The following SLC19A1 variants were observed in gnomAD, a reference collection of about 807,000 sequenced individuals.
SLC19A1 encodes solute carrier family 19 member 1.
Under a neutral mutation model 35.3 loss-of-function variants are expected in SLC19A1, and 37 were observed. The ratio of observed to expected loss-of-function variants is 1.05; its 90% CI spans 0.81 to 1.38. The LOEUF (loss-of-function observed/expected upper bound fraction) is 1.38. SLC19A1 is among the 40% of genes most tolerant of loss of function. The pLI is 0.00. For missense variants in SLC19A1, 831 were observed against 826.9 expected, an observed-to-expected ratio of 1.00 and a Z score of -0.06; for synonymous variants, 460 against 398.5, an observed-to-expected ratio of 1.15 and a Z score of -1.84.
At chr21:45,556,119 G>A (rs2146509365) in intron 1 of SLC19A1, among the ~76,000 whole-genome samples, 1 of 152,352 alleles carries the variant, frequency 6.6e-6, no homozygotes, top group East Asian at 1.9e-4. Context: ...GCGGCCACCA[G>A]CAGGGTCCCC....
rs1412292916 is a variant in SLC19A1 at position 45,514,528 on chromosome 21, G to A, written c.*1130C>T. 1 of 154,896 alleles carries A rather than the reference G, an allele frequency of 6.5e-6. No individual in the cohort carries two copies. Among genetic ancestry groups the A allele is most frequent in the African/African-American group, 2.4e-5 (1 of 41,566 alleles). 9.6% of individuals were successfully genotyped at this position (154,896 alleles called of 1,614,324 possible). ...CCAGCCATTCACCTGGGGCCGCTGA[G>A]ATGTGGCAGAGGCCCCACAGGATAG... is the stretch of plus-strand genomic sequence containing the variant. On this transcript the variant is annotated 3_prime_UTR_variant, in exon 6 of 6. Transcript: ENST00000311124.
Position 45,512,669 on chromosome 21 carries a change from A to G in SLC19A1, c.*2989T>C. The G allele has an allele frequency of 3.7e-6, 2 of 535,472 alleles. No homozygotes were observed. The highest frequency in any genetic ancestry group is 3.1e-5 in the Admixed American group (1 of 31,768). The allele number at this position is 535,472 out of a possible 1,614,324, so 33.2% of individuals were successfully genotyped here. A position where few individuals can be genotyped will look rare whatever the true frequency, so the allele number is the denominator to read the frequency against. The stretch of plus-strand genomic sequence containing the variant: ...GCTGGGTCAGGCAGGGTGCAGTATC[A>G]TGCCCTGTGCAACCTCTTGGCCTGA... On this transcript the variant is annotated 3_prime_UTR_variant, in exon 6 of 6. Coordinates refer to ENST00000311124, the MANE Select transcript of SLC19A1 (RefSeq NM_194255.4).
upstream of SLC19A1, among the ~76,000 whole-genome samples, chr21:45,546,678 C>G (rs77632903): frequency 1.3e-5 from 2 of 152,104 alleles, no homozygotes; most frequent in South Asian, 2.1e-4. Context: ...AAAGAGTGTT[C>G]GAAAAACATT....
chr21:45,560,253 C>T (rs1345237153), intron 1 of SLC19A1, among the ~76,000 whole-genome samples: 2 of 152,262 alleles, frequency 1.3e-5, no homozygotes, highest in Non-Finnish European at 2.9e-5. Flanking sequence ...ACAGGGCCCA[C>T]ACAGGGACGT....
rs748442048 is a variant in SLC19A1, at chr21:45,504,440, G to T, written c.498-5828C>A. ...GGGGGAGAAGGGAGACCGAGGTGATGCAGGACAGAAAGGCGAAAGGGGGGA... is the reference window on the plus strand; with the variant it reads ...GGGGGAGAAGGGAGACCGAGGTGATTCAGGACAGAAAGGCGAAAGGGGGGA... On this transcript the variant is annotated intron_variant, in intron 3 of 4. Coordinates refer to the SLC19A1 transcript ENST00000417954. 12 of 1,611,880 alleles carry T rather than the reference G, an allele frequency of 7.4e-6. No homozygotes were observed. In the South Asian group the frequency reaches 1.3e-4, roughly 18 times the overall value.
Position 45,515,479 on chromosome 21 carries a change from G to C in SLC19A1, c.*179C>G. 1 of 1,498,216 alleles carries C rather than the reference G, an allele frequency of 6.7e-7. No homozygotes were observed. Among genetic ancestry groups the C allele is most frequent in the Non-Finnish European group, 8.8e-7 (1 of 1,136,302 alleles). The allele number at this position is 1,498,216 out of a possible 1,614,324, so 92.8% of individuals were successfully genotyped here. On this transcript the variant is annotated 3_prime_UTR_variant, in exon 6 of 6. Coordinates refer to ENST00000311124, the MANE Select transcript of SLC19A1 (RefSeq NM_194255.4). ...GACAGCATGGCCAGGCAGCTGCCCT[G>C]AGTGTCGCCAGCACGCTGTGGCCAC...
chr21:45,506,326 G>A (rs765470630), intron 3 of SLC19A1: 128 of 364,332 alleles, frequency 3.5e-4, no homozygotes, highest in Admixed American at 1.1e-3. Context: ...CCAGGGCCAC[G>A]TGACGTCCAC....
intron 1 of SLC19A1, among the ~76,000 whole-genome samples, chr21:45,541,003 T>G (rs1345533068): frequency 2.0e-5 from 3 of 147,926 alleles, no homozygotes; most frequent in Non-Finnish European, 4.5e-5. Flanking sequence ...GTTATGTTTT[T>G]TAGAACGCCT....
chr21:45,542,002 C>G (rs1371340812), intron 1 of SLC19A1, among the ~76,000 whole-genome samples: 1 of 152,088 alleles, frequency 6.6e-6, no homozygotes, highest in East Asian at 1.9e-4. Flanking sequence ...CCACCGCGAC[C>G]CCCGCGGAGA....
chr21:45,530,231 CGTGT>C lies in SLC19A1; in HGVS notation c.1151+535_1151+538del, dbSNP rs71808010. 5.6e-4 allele frequency among the ~76,000 whole-genome samples: 83 copies of C among 147,450 alleles called. No homozygotes were observed. Among genetic ancestry groups the C allele is most frequent in the Non-Finnish European group, 1.2e-3 (78 of 66,804 alleles). On this transcript the variant is annotated intron_variant, in intron 4 of 5. Coordinates refer to ENST00000311124, the MANE Select transcript of SLC19A1 (RefSeq NM_194255.4). This position sits in a 1 kb window ranked among gnomAD's most constrained non-coding sequence, Gnocchi z 5.3. Reference sequence around the variant, plus strand: ...TCCATGTGTGAACATGGTGTGTGTCCGTGTGTGTGGTGTGTTCATGTGCGATATA... The same window carrying C: ...TCCATGTGTGAACATGGTGTGTGTCCGTGTGGTGTGTTCATGTGCGATATA...
chr21:45,557,613 G>A (rs1324734265), intron 1 of SLC19A1, among the ~76,000 whole-genome samples: 3 of 152,278 alleles, frequency 2.0e-5, no homozygotes, highest in African/African-American at 4.8e-5. Context: ...CAGGGTGCAG[G>A]GGCCCAAACC....
In SLC19A1 at chr21:45,530,264, ATGTG is replaced by A. The variant is rs942654551; in HGVS notation, c.1151+502_1151+505del. 6.7e-6 allele frequency among the ~76,000 whole-genome samples: 1 copy of A among 148,926 alleles called. No individual in the cohort carries two copies. Among genetic ancestry groups the A allele is most frequent in the Admixed American group, 6.7e-5 (1 of 14,938 alleles). ...TGGTGTGTTCATGTGCGATATATCC[ATGTG>A]TGAGTGTGGTGTGTTTGTCCATGTG... On this transcript the variant is annotated intron_variant, in intron 4 of 5. Transcript: ENST00000311124. The surrounding 1 kb of genome is among the most constrained non-coding windows in gnomAD (Gnocchi z 5.3).
chr21:45,549,857 TG>T (rs1010282926), intron 1 of SLC19A1, among the ~76,000 whole-genome samples: 15 of 151,630 alleles, frequency 9.9e-5, no homozygotes, highest in African/African-American at 3.4e-4. Context: ...CTGTGGCTCT[TG>T]GTTGCAGATG....
intron 5 of SLC19A1, among the ~76,000 whole-genome samples, chr21:45,522,091 C>G (rs1163726393): frequency 6.6e-6 from 1 of 151,788 alleles, no homozygotes; most frequent in African/African-American, 2.4e-5. Flanking sequence ...CAACAAAGGA[C>G]TAATATCTGG....
chr21:45,542,812 A>AC (rs36230818), upstream of SLC19A1, among the ~76,000 whole-genome samples: 155 of 83,134 alleles, frequency 1.9e-3, 2 homozygotes, highest in African/African-American at 5.5e-3. Flanking sequence ...TCCCCTCCTG[A>AC]CCCCCCCTCC....
downstream of SLC19A1, chr21:45,511,038 AC>A (rs201422108): frequency 2.8e-5 from 8 of 286,024 alleles, no homozygotes; most frequent in African/African-American, 3.2e-4. Flanking sequence ...ACATCCACAC[AC>A]CCCCCCACAA....
rs2078033978 is a variant in SLC19A1 at position 45,534,307 on chromosome 21, C to T, written c.190-2159G>A. 6.6e-6 allele frequency among the ~76,000 whole-genome samples: 1 copy of T among 152,156 alleles called. No homozygotes were observed. Among genetic ancestry groups the T allele is most frequent in the Non-Finnish European group, 1.5e-5 (1 of 68,012 alleles). On this transcript the variant is annotated intron_variant, in intron 2 of 5. Coordinates refer to ENST00000311124, the MANE Select transcript of SLC19A1 (RefSeq NM_194255.4). This position sits in a 1 kb window ranked among gnomAD's most constrained non-coding sequence, Gnocchi z 4.2. ...TCAGGGCCAGCCCAGGGAACCCCTG[C>T]AGATTCCGAAAGAAGCGGCTCAGAG...
At chr21:45,526,055 G>C (rs2039276) in intron 4 of SLC19A1, 97 bp from the exon 5 acceptor site, 65 of 1,365,202 alleles carry the variant, frequency 4.8e-5, no homozygotes, top group Admixed American at 9.8e-5. Context: ...CCCATGACCC[G>C]CCCGGCAGCC....
intron 3 of SLC19A1, chr21:45,504,458 AG>A (rs747526674): frequency 6.2e-7 from 1 of 1,611,116 alleles, no homozygotes; most frequent in Non-Finnish European, 8.5e-7. Context: ...GAAAGGCGAA[AG>A]GGGGGAGCCC....
Sources: allele counts gnomAD v4.1 joint callset (sites outside exome capture counted in the v4.1 genomes callset), GRCh38; gene constraint gnomAD v4.1.1; non-coding constraint Gnocchi (gnomAD v3.1); transcripts MANE v1.5; gene names NCBI Gene and HGNC (gene_info 2026-07-23, HGNC 2026-07-21).